DNM3: variants seen among roughly 807,000 people sequenced by gnomAD.
The protein encoded by DNM3 is dynamin-3.
Under a neutral mutation model 101.6 loss-of-function variants are expected in DNM3, and 47 were observed. That is an observed-to-expected ratio of 0.46 (90% CI 0.37 to 0.59). The LOEUF (loss-of-function observed/expected upper bound fraction) is 0.59, where lower values mean the gene tolerates loss of function less well. Among genes scored for constraint, DNM3 ranks in the 20% least tolerant of loss-of-function variants. The probability of loss-of-function intolerance (pLI) is 0.00; values close to 1 mark genes in which losing one functional copy is unlikely to be tolerated. For missense variants in DNM3, 849 were observed against 1,085.7 expected, an observed-to-expected ratio of 0.78 and a Z score of 3.06; for synonymous variants, 385 against 387.9, an observed-to-expected ratio of 0.99 and a Z score of 0.09.
At chr1:172,308,362 A>T (rs1356560216) in intron 15 of DNM3, among the ~76,000 whole-genome samples, 1 of 152,144 alleles carries the variant, frequency 6.6e-6, no homozygotes, top group African/African-American at 2.4e-5. Flanking sequence ...AGTCATTTAG[A>T]CTCATAAAAT....
chr1:172,127,094 A>G (rs1338178592), intron 13 of DNM3, among the ~76,000 whole-genome samples: 1 of 152,032 alleles, frequency 6.6e-6, no homozygotes, highest in East Asian at 1.9e-4. Context: ...GGTTGCCTCA[A>G]TATCACTACC....
chr1:172,366,583 G>A (rs1336695999), intron 17 of DNM3: 1 of 151,858 alleles, frequency 6.6e-6, no homozygotes, highest in Non-Finnish European at 1.5e-5. Flanking sequence ...GAAAGATATA[G>A]AAAAGATTAA....
At chr1:172,191,096 C>G (rs553735853) in intron 14 of DNM3, among the ~76,000 whole-genome samples, 1 of 152,230 alleles carries the variant, frequency 6.6e-6, no homozygotes, top group South Asian at 2.1e-4. Context: ...TTGCCCATGC[C>G]TATGTCCTGA....
At chr1:172,017,852 GT>G (rs1418941334) in intron 4 of DNM3, among the ~76,000 whole-genome samples, 1 of 152,014 alleles carries the variant, frequency 6.6e-6, no homozygotes, top group Non-Finnish European at 1.5e-5. Context: ...AGTTCTTTCT[GT>G]TTCTCCTCAG....
chr1:172,331,318 A>G (rs1442225713), intron 17 of DNM3, among the ~76,000 whole-genome samples: 1 of 152,178 alleles, frequency 6.6e-6, no homozygotes, highest in East Asian at 1.9e-4. Context: ...TGTTTTAAAA[A>G]TCTCATTGAG....
chr1:171,842,507 G>A (rs2031420367), intron 1 of DNM3, among the ~76,000 whole-genome samples: 1 of 152,228 alleles, frequency 6.6e-6, no homozygotes, highest in Admixed American at 6.5e-5. Context: ...CCTATTCACA[G>A]CTTCAGGCAA....
chr1:172,312,910 G>T (rs2148884302), intron 16 of DNM3, among the ~76,000 whole-genome samples: 1 of 152,214 alleles, frequency 6.6e-6, no homozygotes, highest in South Asian at 2.1e-4. Context: ...TGGATCCAAA[G>T]CAAAATGTAG....
chr1:172,071,111 A>C (rs929956446), intron 11 of DNM3, among the ~76,000 whole-genome samples: 1 of 135,656 alleles, frequency 7.4e-6, no homozygotes, highest in African/African-American at 2.9e-5. Flanking sequence ...ATATATATAT[A>C]TATATATATC....
intron 6 of DNM3, 110 bp downstream of exon 6, chr1:172,033,375 A>T: frequency 2.5e-6 from 3 of 1,179,772 alleles, no homozygotes; most frequent in Non-Finnish European, 3.5e-6. Context: ...CAAGACATGC[A>T]GCTTCAATGA....
intron 16 of DNM3, among the ~76,000 whole-genome samples, chr1:172,314,927 G>C (rs544197163): frequency 1.3e-5 from 2 of 152,314 alleles, no homozygotes; most frequent in East Asian, 1.9e-4. Context: ...AGAACAGGCA[G>C]ACTGCCTCCT....
intron 4 of DNM3, among the ~76,000 whole-genome samples, chr1:172,025,546 G>A (rs956645452): frequency 2.0e-5 from 3 of 152,146 alleles, no homozygotes; most frequent in East Asian, 1.9e-4. Flanking sequence ...CACCTCATAC[G>A]GGAGAGCTCC....
chr1:172,167,612 C>T (rs2148327084), intron 14 of DNM3, among the ~76,000 whole-genome samples: 1 of 152,206 alleles, frequency 6.6e-6, no homozygotes, highest in South Asian at 2.1e-4. Context: ...GATCACCATT[C>T]TAACTGGTAT....
At chr1:172,180,932 T>C (rs2059321405) in intron 14 of DNM3, among the ~76,000 whole-genome samples, 1 of 152,080 alleles carries the variant, frequency 6.6e-6, no homozygotes, top group Admixed American at 6.6e-5. Context: ...TAAACAAGAA[T>C]AAATATCTGT....
At chr1:172,336,590 C>T (rs2066440609) in intron 17 of DNM3, among the ~76,000 whole-genome samples, 1 of 148,972 alleles carries the variant, frequency 6.7e-6, no homozygotes, top group Non-Finnish European at 1.5e-5. Flanking sequence ...GTTTACTTTC[C>T]TTAAATCTAG....
intron 1 of DNM3, among the ~76,000 whole-genome samples, chr1:171,875,658 C>G (rs1276599626): frequency 1.3e-5 from 2 of 152,130 alleles, no homozygotes; most frequent in African/African-American, 4.8e-5. Flanking sequence ...CTAGGCTTTA[C>G]TTTCCTCATC....
rs116139271 is a variant in DNM3, at chr1:172,005,557, A to G, written c.589+16409A>G. ...GGCTCCTTGCACATTGATGGGTTAT[A>G]AAGGTGATAACCAAGTATGATGCAC... On this transcript the variant is annotated intron_variant, in intron 4 of 20. Coordinates refer to ENST00000627582, the MANE Select transcript of DNM3 (RefSeq NM_015569.5). Among the ~76,000 whole-genome samples the G allele has an allele frequency of 5.6e-3, 845 of 152,180 alleles. 6 individuals are homozygous for G. Among genetic ancestry groups the G allele is most frequent in the African/African-American group, 0.019 (810 of 41,544 alleles).
chr1:172,293,524 A>C (rs771960529), intron 15 of DNM3, among the ~76,000 whole-genome samples: 3 of 152,210 alleles, frequency 2.0e-5, no homozygotes, highest in Non-Finnish European at 2.9e-5. Flanking sequence ...TAGACTAAAC[A>C]AAAAAATGCA....
At chr1:172,327,717 C>A (rs752514595) in intron 17 of DNM3, among the ~76,000 whole-genome samples, 2 of 152,072 alleles carry the variant, frequency 1.3e-5, no homozygotes, top group African/African-American at 2.4e-5. Flanking sequence ...GCCCTGGGGT[C>A]TAAGGAACAC....
intron 17 of DNM3, among the ~76,000 whole-genome samples, chr1:172,350,263 A>G (rs1469525159): frequency 1.3e-5 from 2 of 152,006 alleles, no homozygotes; most frequent in African/African-American, 4.8e-5. Context: ...ACTTTTTGGC[A>G]TAGTAATAAC....
Sources: allele counts gnomAD v4.1 joint callset (sites outside exome capture counted in the v4.1 genomes callset), GRCh38; gene constraint gnomAD v4.1.1; transcripts MANE v1.5; gene names NCBI Gene and HGNC (gene_info 2026-07-23, HGNC 2026-07-21).